COG2: variants seen among roughly 807,000 people sequenced by gnomAD.
COG2 encodes component of oligomeric golgi complex 2.
In COG2, 52 loss-of-function variants were observed where a neutral mutation model predicts 90.6. That is an observed-to-expected ratio of 0.57 (90% CI 0.46 to 0.72). The LOEUF (loss-of-function observed/expected upper bound fraction) is 0.72, where lower values mean the gene tolerates loss of function less well. Ranked by LOEUF, COG2 falls within the 30% of genes least tolerant of loss-of-function variation. The pLI is 0.00. For missense variants in COG2, 829 were observed against 891.2 expected (o/e 0.93, Z 0.89); for synonymous variants, 337 against 320.4 (o/e 1.05, Z -0.55).
intron 1 of COG2, among the ~76,000 whole-genome samples, chr1:230,653,898 A>T (rs1201282910): frequency 6.6e-6 from 1 of 152,084 alleles, no homozygotes; most frequent in Non-Finnish European, 1.5e-5. Flanking sequence ...TGGTAAAAGC[A>T]TGAATACATT....
Position 230,664,523 on chromosome 1 carries a change from G to A in COG2, c.421G>A (p.Glu141Lys), listed in dbSNP as rs749348990. 1 of 1,577,948 alleles carries A rather than the reference G, an allele frequency of 6.3e-7. No individual in the cohort carries two copies. Among genetic ancestry groups the A allele is most frequent in the Non-Finnish European group, 8.6e-7 (1 of 1,157,566 alleles). ...LRLIQVIRSV[E>K]KIEKILNSQS... is the part of the protein sequence containing the mutation. ...GCTTATACAAGTTATTCGGTCAGTT[G>A]AGAAAATTGAAAAAATCTTAAACTC... Residue 141 changes from glutamate (E) to lysine (K), a missense_variant, in exon 5 of 18, where the codon GAG becomes AAG. Physicochemically the swap from Glu to Lys is moderately conservative, Grantham distance 56. Transcript: ENST00000366669.
At chr1:230,647,748 A>ATACTTTAAATCACCTCTAGAT (rs1353796506) in intron 1 of COG2, among the ~76,000 whole-genome samples, 5 of 152,242 alleles carry the variant, frequency 3.3e-5, no homozygotes, top group Admixed American at 3.3e-4. Flanking sequence ...ATCCTCTGGA[A>ATACTTTAAATCACCTCTAGAT]TACTTTAAAT....
rs146239940 is a variant in COG2 at position 230,664,512 on chromosome 1, T to C, written c.410T>C (p.Ile137Thr). 3.8e-6 allele frequency: 6 copies of C among 1,563,806 alleles called. No homozygotes were observed. The African/African-American group carries it at 8.2e-5, about 21-fold the overall frequency. Reference sequence around the variant, plus strand: ...TGTGTATTGAGGCTTATACAAGTTATTCGGTCAGTTGAGAAAATTGAAAAA... The same window carrying C: ...TGTGTATTGAGGCTTATACAAGTTACTCGGTCAGTTGAGAAAATTGAAAAA... ...KMCVLRLIQV[I>T]RSVEKIEKIL... The change falls in exon 5 of 18, where the codon ATT becomes ACT. Residue 137 changes from isoleucine (I) to threonine (T), a missense_variant. Transcript: ENST00000366669.
At position 230,688,434 on chromosome 1, in the gene COG2, T is replaced by C. The variant is rs146615101; in HGVS notation, c.1666T>C (p.Ser556Pro). ...AATCTCAACAGCAGCCCTGGAGGAC[T>C]CCCAGAGCTCTTTTTCAGCCTGTGT... is the stretch of plus-strand genomic sequence containing the variant. ...FSSISAALED[S>P]QSSFSACVPS... The change falls in exon 15 of 18, where the codon TCC becomes CCC. Residue 556 changes from serine to proline, a missense_variant. Ser to Pro is a moderately conservative substitution (Grantham distance 74). Coordinates refer to ENST00000366669, the MANE Select transcript of COG2 (RefSeq NM_007357.3). 6.2e-7 allele frequency: 1 copy of C among 1,613,958 alleles called. No individual in the cohort carries two copies. The highest frequency in any genetic ancestry group is 1.3e-5 in the African/African-American group (1 of 75,056).
At chr1:230,679,447 G>A (rs766321101) in intron 10 of COG2, 2 of 155,488 alleles carry the variant, frequency 1.3e-5, no homozygotes, top group Non-Finnish European at 2.8e-5. Context: ...ATCTGTTTTT[G>A]CTCGTCTGAG....
intron 10 of COG2, chr1:230,683,369 C>T: frequency 2.0e-6 from 1 of 500,810 alleles, no homozygotes; most frequent in African/African-American, 2.0e-5. Context: ...AACAGAGAAC[C>T]CTTATATAAC....
intron 11 of COG2, 66 bp downstream of exon 11, chr1:230,683,701 C>A: frequency 9.5e-7 from 1 of 1,050,764 alleles, no homozygotes; most frequent in Non-Finnish European, 1.5e-6. Flanking sequence ...ACCAAGTCAT[C>A]TGGATTGCAG....
intron 10 of COG2, chr1:230,682,837 C>A (rs1662785940): frequency 6.6e-6 from 1 of 152,134 alleles, no homozygotes; most frequent in South Asian, 2.1e-4. Flanking sequence ...GAAAACAATG[C>A]CTGCAAAAGC....
chr1:230,691,338 A>G (rs1217289841), intron 16 of COG2, 46 bp from the exon 17 acceptor site: 9 of 1,516,506 alleles, frequency 5.9e-6, no homozygotes, highest in Non-Finnish European at 8.0e-6. Context: ...ATTTGGTGTT[A>G]CACACAAATG....
intron 16 of COG2, among the ~76,000 whole-genome samples, chr1:230,690,743 ATTTAC>A (rs1183481152): frequency 6.6e-6 from 1 of 152,174 alleles, no homozygotes; most frequent in Non-Finnish European, 1.5e-5. Context: ...GTAATATTTT[ATTTAC>A]TTAAGATTTA....
At chr1:230,689,169 C>T (rs534217643) in intron 15 of COG2, among the ~76,000 whole-genome samples, 1 of 150,790 alleles carries the variant, frequency 6.6e-6, no homozygotes, top group East Asian at 2.0e-4. Context: ...AGTCTCCACA[C>T]ACAAAAAAAG....
Position 230,678,919 on chromosome 1 carries a change from A to G in COG2, c.1033A>G (p.Thr345Ala), listed in dbSNP as rs1248418679. 4.3e-6 allele frequency: 7 copies of G among 1,611,248 alleles called. No individual in the cohort carries two copies. The highest frequency in any genetic ancestry group is 1.3e-5 in the African/African-American group (1 of 74,784). Residue 345 changes from threonine to alanine, a missense_variant, in exon 10 of 18, where the codon ACC becomes GCC. Thr to Ala is a moderately conservative substitution (Grantham distance 58, BLOSUM62 0). Transcript: ENST00000366669. ...TCCTTTTGTTTTATTTTAGAAATAT[A>G]CCATAAGTATGGATTTTGTCAGAAG... Reference protein sequence around the residue: ...GNPDAFHEKYTISMDFVRRLE... With the variant: ...GNPDAFHEKYAISMDFVRRLE...
chr1:230,646,355 A>C (rs975404152), intron 1 of COG2, among the ~76,000 whole-genome samples: 1 of 152,110 alleles, frequency 6.6e-6, no homozygotes, highest in African/African-American at 2.4e-5. Flanking sequence ...CAGTAGATCA[A>C]ATGCTCCCTT....
At chr1:230,660,896 T>C in intron 3 of COG2, 73 bp downstream of exon 3, 2 of 1,031,872 alleles carry the variant, frequency 1.9e-6, no homozygotes, top group South Asian at 1.8e-5. Flanking sequence ...CAAAAAAAAA[T>C]TCCTTTAATC....
chr1:230,683,687 G>GGA, intron 11 of COG2, 52 bp downstream of exon 11: 1 of 1,185,070 alleles, frequency 8.4e-7, no homozygotes, highest in Non-Finnish European at 1.3e-6. Flanking sequence ...AGTTCATTCA[G>GGA]TTCACCAAGT....
In COG2 at chr1:230,664,533, A is replaced by C; in HGVS notation, c.431A>C (p.Glu144Ala). The change falls in exon 5 of 18, where the codon GAA (glutamate) becomes GCA (alanine). Residue 144 changes from glutamate to alanine, a missense_variant. Physicochemically the swap from Glu to Ala is moderately radical, Grantham distance 107 (BLOSUM62 -1). Transcript: ENST00000366669. ...GTTATTCGGTCAGTTGAGAAAATTG[A>C]AAAAATCTTAAACTCTCAAAGTTCT... is the stretch of plus-strand genomic sequence containing the variant. ...IQVIRSVEKI[E>A]KILNSQSSKE... 1 of 1,584,624 alleles carries C rather than the reference A, an allele frequency of 6.3e-7. No homozygotes were observed. Among genetic ancestry groups the C allele is most frequent in the East Asian group, 2.3e-5 (1 of 44,260 alleles).
At position 230,690,162 on chromosome 1, in the gene COG2, A is replaced by AT. The variant is rs751076074; in HGVS notation, c.1934+11dup. Reference sequence around the variant, plus strand: ...AGTGAAAGCACTCATAAGTAAGTAAATTAAAAGCAGACCTTGTGGGCCTTG... The same window carrying AT: ...AGTGAAAGCACTCATAAGTAAGTAAATTTAAAAGCAGACCTTGTGGGCCTTG... On this transcript the variant is annotated intron_variant, in intron 16 of 17. Transcript: ENST00000366669. 1 of 1,610,298 alleles carries AT rather than the reference A, an allele frequency of 6.2e-7. No homozygotes were observed. Among genetic ancestry groups the AT allele is most frequent in the South Asian group, 1.1e-5 (1 of 90,358 alleles).
At chr1:230,663,930 T>C (rs915159500) in intron 4 of COG2, among the ~76,000 whole-genome samples, 1 of 152,182 alleles carries the variant, frequency 6.6e-6, no homozygotes, top group Non-Finnish European at 1.5e-5. Flanking sequence ...CTCACACCTG[T>C]AATCTCAGTA....
chr1:230,654,436 T>G (rs897757278), intron 1 of COG2, among the ~76,000 whole-genome samples: 1 of 152,228 alleles, frequency 6.6e-6, no homozygotes, highest in Admixed American at 6.5e-5. Flanking sequence ...TGTGGTGTTA[T>G]TTCTGAGTCC....
Sources: gnomAD v4.1 joint callset for allele counts (sites outside exome capture counted in the v4.1 genomes callset) on GRCh38, gnomAD v4.1.1 for gene constraint, MANE v1.5 for transcripts, NCBI Gene and HGNC (gene_info 2026-07-23, HGNC 2026-07-21) for gene names.